The following ADARB2 variants were observed in gnomAD, a reference collection of about 807,000 sequenced individuals.
ADARB2 encodes adenosine deaminase RNA specific B2 (inactive).
ADARB2 carries 25 observed loss-of-function variants against 62.2 expected under a neutral mutation model. The ratio of observed to expected loss-of-function variants is 0.40; its 90% confidence interval spans 0.29 to 0.56. The LOEUF (loss-of-function observed/expected upper bound fraction) is 0.56. ADARB2 is among the 20% of genes least tolerant of loss of function. ADARB2 has a pLI of 0.43. For missense variants in ADARB2, 1,071 were observed against 1,077.4 expected, an observed-to-expected ratio of 0.99 and a Z score of 0.08; for synonymous variants, 572 against 500.8, an observed-to-expected ratio of 1.14 and a Z score of -1.90.
At chr10:1,213,300 G>C (rs573989562) in intron 7 of ADARB2, among the ~76,000 whole-genome samples, 28 of 152,254 alleles carry the variant, frequency 1.8e-4, no homozygotes, top group African/African-American at 6.7e-4. Context: ...GAGAGACAGA[G>C]GGAGAGACAT....
intron 1 of ADARB2, among the ~76,000 whole-genome samples, chr10:1,520,152 CA>C (rs2131951056): frequency 6.6e-6 from 1 of 152,308 alleles, no homozygotes; most frequent in South Asian, 2.1e-4. Context: ...TACACAGGAG[CA>C]TATGCGGTTT....
At chr10:1,547,171 G>T (rs1267403915) in intron 1 of ADARB2, among the ~76,000 whole-genome samples, 1 of 152,220 alleles carries the variant, frequency 6.6e-6, no homozygotes, top group Non-Finnish European at 1.5e-5. Context: ...GGGAAACTGG[G>T]AGAGATGCTG....
chr10:1,353,835 T>G (rs1225655168), intron 3 of ADARB2, among the ~76,000 whole-genome samples: 1 of 152,180 alleles, frequency 6.6e-6, no homozygotes, highest in Non-Finnish European at 1.5e-5. Flanking sequence ...AACCAGTAGT[T>G]ATTGCTAGGA....
At chr10:1,715,824 T>C (rs1343469754) in intron 1 of ADARB2, among the ~76,000 whole-genome samples, 1 of 152,230 alleles carries the variant, frequency 6.6e-6, no homozygotes, top group Admixed American at 6.5e-5. Flanking sequence ...GGCAATGGCC[T>C]CCAACACCGC....
chr10:1,661,836 A>T (rs1042246242), intron 1 of ADARB2, among the ~76,000 whole-genome samples: 1 of 152,150 alleles, frequency 6.6e-6, no homozygotes, highest in African/African-American at 2.4e-5. Flanking sequence ...GGACGGGGAG[A>T]ATCAGGCACT....
chr10:1,285,318 C>T (rs183865784), intron 3 of ADARB2, among the ~76,000 whole-genome samples: 1 of 145,934 alleles, frequency 6.9e-6, no homozygotes, highest in East Asian at 2.2e-4. Flanking sequence ...TGAACCCTTA[C>T]AAAGCAGCTC....
At chr10:1,385,636 G>A (rs568680909) in intron 1 of ADARB2, among the ~76,000 whole-genome samples, 8 of 152,178 alleles carry the variant, frequency 5.3e-5, no homozygotes, top group Admixed American at 2.0e-4. Flanking sequence ...CAGACTCAAC[G>A]ATCTGTTGGA....
intron 1 of ADARB2, among the ~76,000 whole-genome samples, chr10:1,421,309 C>T (rs1832851117): frequency 6.6e-6 from 1 of 151,754 alleles, no homozygotes; most frequent in Non-Finnish European, 1.5e-5. Flanking sequence ...CAGGACCTAA[C>T]CCCACCCACG....
intron 1 of ADARB2, among the ~76,000 whole-genome samples, chr10:1,413,755 C>A (rs1016352965): frequency 2.0e-5 from 3 of 152,166 alleles, no homozygotes; most frequent in African/African-American, 7.2e-5. Flanking sequence ...TGCTCCCGGG[C>A]ACAATGACAA....
intron 1 of ADARB2, among the ~76,000 whole-genome samples, chr10:1,629,969 C>T (rs1009655143): frequency 1.2e-4 from 19 of 152,202 alleles, no homozygotes; most frequent in African/African-American, 4.3e-4. Flanking sequence ...CATCTACTTG[C>T]CCAACACCAT....
intron 2 of ADARB2, 77 bp from the exon 3 acceptor site, chr10:1,363,994 G>C: frequency 8.6e-6 from 12 of 1,393,354 alleles, no homozygotes; most frequent in Non-Finnish European, 1.1e-5. Context: ...ACTCCCTGAG[G>C]GTCCCCGTCC....
chr10:1,638,506 G>GTT (rs5782589), intron 1 of ADARB2, among the ~76,000 whole-genome samples: 275 of 148,622 alleles, frequency 1.9e-3, no homozygotes, highest in East Asian at 2.4e-3. Flanking sequence ...CTTTCATGAG[G>GTT]TTTTTTTTTT....
At chr10:1,358,750 G>A (rs1832220796) in intron 3 of ADARB2, among the ~76,000 whole-genome samples, 1 of 152,010 alleles carries the variant, frequency 6.6e-6, no homozygotes, top group Non-Finnish European at 1.5e-5. Context: ...GCGGGGTGAG[G>A]GTGTGTGGAC....
intron 4 of ADARB2, among the ~76,000 whole-genome samples, chr10:1,268,466 G>T (rs546764281): frequency 3.3e-4 from 43 of 130,372 alleles, no homozygotes; most frequent in Non-Finnish European, 6.6e-4. Context: ...ATGTGAATGA[G>T]TTGGCATCCC....
intron 1 of ADARB2, among the ~76,000 whole-genome samples, chr10:1,381,941 T>C (rs980987413): frequency 6.6e-6 from 1 of 152,152 alleles, no homozygotes; most frequent in Non-Finnish European, 1.5e-5. Context: ...ATGGGGACTC[T>C]GGCTAATAAC....
chr10:1,714,478 A>G (rs1236877806), intron 1 of ADARB2, among the ~76,000 whole-genome samples: 1 of 152,238 alleles, frequency 6.6e-6, no homozygotes, highest in African/African-American at 2.4e-5. Flanking sequence ...GAACCAGCCA[A>G]CGCCCATTTA....
intron 1 of ADARB2, among the ~76,000 whole-genome samples, chr10:1,736,150 A>G (rs1187592070): frequency 6.6e-6 from 1 of 152,226 alleles, no homozygotes; most frequent in East Asian, 1.9e-4. Context: ...CTCACTAGGA[A>G]CTGACAATAA....
At chr10:1,341,822 G>A (rs1337506713) in intron 3 of ADARB2, among the ~76,000 whole-genome samples, 9 of 148,510 alleles carry the variant, frequency 6.1e-5, no homozygotes, top group Admixed American at 4.7e-4. Flanking sequence ...CCAAAGCAGT[G>A]ATAACCAGCA....
chr10:1,589,716 C>T (rs1833227489), intron 1 of ADARB2, among the ~76,000 whole-genome samples: 1 of 152,180 alleles, frequency 6.6e-6, no homozygotes. Flanking sequence ...CTCTGTCGCC[C>T]AGTCTGGAGT....
Sources: allele counts gnomAD v4.1 joint callset (sites outside exome capture counted in the v4.1 genomes callset), GRCh38; gene constraint gnomAD v4.1.1; transcripts MANE v1.5; gene names NCBI Gene and HGNC (gene_info 2026-07-23, HGNC 2026-07-21).